CREBBP: variants seen among roughly 807,000 people sequenced by gnomAD.
The protein encoded by CREBBP is CREB-binding protein.
Under a neutral mutation model 265.0 loss-of-function variants are expected in CREBBP, and 19 were observed. The observed-to-expected ratio is 0.07, with a 90% CI of 0.05 to 0.11. The LOEUF (loss-of-function observed/expected upper bound fraction) is 0.11, where lower values mean the gene tolerates loss of function less well. CREBBP is among the 10% of genes least tolerant of loss of function. CREBBP has a pLI of 1.00. For missense variants in CREBBP, 2,525 were observed against 3,219.0 expected (o/e 0.78, Z 5.22); for synonymous variants, 1,457 against 1,223.7 (o/e 1.19, Z -3.98).
chr16:3,850,698 G>A lies in CREBBP; in HGVS notation c.397C>T (p.Leu133=), dbSNP rs1567362449. ...LSQGDSSAPS[L]PKQAASTSGP... ...GAGGTGCTGGCTGCCTGTTTAGGCA[G>A]GCTGGGGGCTGAAGAATCTCCCTGG... The change falls in exon 2 of 31, where the codon CTG becomes TTG. Residue 133 remains leucine (L), a synonymous_variant. Transcript: ENST00000262367. The A allele has an allele frequency of 6.2e-7, 1 of 1,614,176 alleles. No homozygotes were observed. Among genetic ancestry groups the A allele is most frequent in the East Asian group, 2.2e-5 (1 of 44,884 alleles).
intron 3 of CREBBP, among the ~76,000 whole-genome samples, chr16:3,801,630 A>G (rs2053714686): frequency 6.6e-6 from 1 of 152,174 alleles, no homozygotes; most frequent in Non-Finnish European, 1.5e-5. Flanking sequence ...AGATTGCGCC[A>G]CTGCACTCCA....
intron 5 of CREBBP, among the ~76,000 whole-genome samples, chr16:3,788,009 C>G (rs1314977585): frequency 6.6e-6 from 1 of 152,188 alleles, no homozygotes; most frequent in South Asian, 2.1e-4. Context: ...TCTGAGGCAC[C>G]TACAGATGGA....
At chr16:3,777,935 T>G in intron 10 of CREBBP, 76 bp downstream of exon 10, 1 of 1,534,086 alleles carries the variant, frequency 6.5e-7, no homozygotes, top group Non-Finnish European at 9.0e-7. Context: ...TTCTCTGTTC[T>G]TAGAAATACA....
intron 3 of CREBBP, among the ~76,000 whole-genome samples, chr16:3,808,458 C>G (rs2053874708): frequency 6.6e-6 from 1 of 152,236 alleles, no homozygotes; most frequent in Non-Finnish European, 1.5e-5. Context: ...CAGCAGAGAA[C>G]TGCCATCAGT....
intron 21 of CREBBP, among the ~76,000 whole-genome samples, chr16:3,748,419 C>T (rs1306542555): frequency 6.6e-6 from 1 of 152,232 alleles, no homozygotes; most frequent in East Asian, 1.9e-4. Context: ...GGGCGCTCTG[C>T]CCTGGCATCT....
chr16:3,811,297 C>T (rs1200456297), intron 2 of CREBBP, among the ~76,000 whole-genome samples: 1 of 152,120 alleles, frequency 6.6e-6, no homozygotes, highest in African/African-American at 2.4e-5. Flanking sequence ...GTTTGAACTG[C>T]ATGGGTCTAC....
chr16:3,738,538 A>G lies in CREBBP; in HGVS notation c.4394+21T>C, dbSNP rs776744849. The G allele has an allele frequency of 1.1e-5, 16 of 1,449,898 alleles. 1 individual carries two copies. In the South Asian group the frequency reaches 1.7e-4, roughly 16 times the overall value. The allele number at this position is 1,449,898 out of a possible 1,614,324, so 89.8% of individuals were successfully genotyped here. On this transcript the variant is annotated intron_variant, in intron 26 of 30. Coordinates refer to ENST00000262367, the MANE Select transcript of CREBBP (RefSeq NM_004380.3). ...AAATAAAGGGTTCTTACTAGTTCCA[A>G]ATAATTTAATCCAAACTCACCCTAA...
At chr16:3,842,275 C>G (rs555228497) in intron 2 of CREBBP, among the ~76,000 whole-genome samples, 1 of 152,146 alleles carries the variant, frequency 6.6e-6, no homozygotes, top group African/African-American at 2.4e-5. Flanking sequence ...CCCCTTGACC[C>G]GAAATTACAC....
chr16:3,845,390 G>C (rs569493649), intron 2 of CREBBP, among the ~76,000 whole-genome samples: 42 of 152,152 alleles, frequency 2.8e-4, no homozygotes, highest in African/African-American at 9.2e-4. Context: ...TGGAACTAAA[G>C]AAAAAGAGTT....
intron 13 of CREBBP, among the ~76,000 whole-genome samples, chr16:3,771,335 C>CTGGG (rs1366564480): frequency 2.0e-5 from 3 of 152,104 alleles, no homozygotes; most frequent in Non-Finnish European, 4.4e-5. Flanking sequence ...TTCCAAAGTG[C>CTGGG]TGGGATTACA....
intron 27 of CREBBP, 32 bp downstream of exon 27, chr16:3,736,618 A>G: frequency 6.2e-7 from 1 of 1,614,210 alleles, no homozygotes; most frequent in African/African-American, 1.3e-5. Context: ...CAGTTGTGAC[A>G]AAAGCCACCA....
chr16:3,879,502 G>A (rs575346169), intron 1 of CREBBP, among the ~76,000 whole-genome samples: 1 of 152,174 alleles, frequency 6.6e-6, no homozygotes, highest in African/African-American at 2.4e-5. Context: ...GTGTGGACAC[G>A]GCCGCGGATG....
intron 6 of CREBBP, 43 bp downstream of exon 6, chr16:3,782,641 C>T (rs763805113): frequency 1.2e-6 from 2 of 1,610,918 alleles, no homozygotes; most frequent in Admixed American, 3.3e-5. Context: ...CCCTTTGCTG[C>T]ATGTGGACAA....
chr16:3,839,949 T>C (rs911858142), intron 2 of CREBBP, among the ~76,000 whole-genome samples: 4 of 152,178 alleles, frequency 2.6e-5, no homozygotes, highest in Admixed American at 2.0e-4. Context: ...ATACATTCTA[T>C]AGGACACCTA....
chr16:3,836,436 AAAAAAAAAAAAAAG>A (rs960213964), intron 2 of CREBBP, among the ~76,000 whole-genome samples: 4 of 150,248 alleles, frequency 2.7e-5, no homozygotes, highest in African/African-American at 7.3e-5. Context: ...TGTGTCTCAA[AAAAAAAAAAAAAAG>A]AAAAAAAAGA....
At chr16:3,819,006 C>T (rs1049315538) in intron 2 of CREBBP, among the ~76,000 whole-genome samples, 2 of 152,250 alleles carry the variant, frequency 1.3e-5, no homozygotes, top group African/African-American at 4.8e-5. Context: ...TAACGCAACT[C>T]TGTCTCCTTC....
intron 1 of CREBBP, among the ~76,000 whole-genome samples, chr16:3,871,193 TCTCACTCACACACACACACACA>T (rs2055289964): frequency 7.0e-6 from 1 of 142,500 alleles, no homozygotes; most frequent in African/African-American, 2.6e-5. Flanking sequence ...TCTCTCTCTC[TCTCACTCACACACACACACACA>T]CACACACACA....
intron 1 of CREBBP, among the ~76,000 whole-genome samples, chr16:3,852,544 A>T (rs2054874628): frequency 6.6e-6 from 1 of 152,220 alleles, no homozygotes; most frequent in South Asian, 2.1e-4. Context: ...TGATTTCTTA[A>T]AAGTGTTGAA....
Position 3,727,941 on chromosome 16 carries a change from G to C in CREBBP, c.7106C>G (p.Pro2369Arg), listed in dbSNP as rs1225528201. The change falls in exon 31 of 31, where the codon CCC becomes CGC. Residue 2369 changes from proline (P) to arginine (R), a missense_variant. This residue lies in a region of CREBBP where 473 missense variants were observed against 459.3 expected (regional missense o/e 1.03). Transcript: ENST00000262367. ...TGAGACGTGGTGTGGCGAAGGCTGG[G>C]GCTGTATCCGTGGTGACGGGCTGGA... is the stretch of plus-strand genomic sequence containing the variant. ...PHSSPSPRIQ[P>R]QPSPHHVSPQ... The C allele has an allele frequency of 6.2e-7, 1 of 1,608,880 alleles. No individual in the cohort carries two copies. Among genetic ancestry groups the C allele is most frequent in the African/African-American group, 1.3e-5 (1 of 74,968 alleles).
Sources: allele counts gnomAD v4.1 joint callset (sites outside exome capture counted in the v4.1 genomes callset), GRCh38; gene constraint gnomAD v4.1.1; regional missense constraint gnomAD v4.1.1; transcripts MANE v1.5; gene names NCBI Gene and HGNC (gene_info 2026-07-23, HGNC 2026-07-21).